The following ART3 variants were observed in gnomAD, a reference collection of about 807,000 sequenced individuals.
ART3 encodes ecto-ADP-ribosyltransferase 3.
ART3 carries 49 observed loss-of-function variants against 48.5 expected under a neutral mutation model. The observed-to-expected ratio is 1.01, with a 90% CI of 0.80 to 1.28. ART3 has a LOEUF of 1.28. Ranked by LOEUF, ART3 falls within the 50% of genes most tolerant of loss-of-function variation. The probability of loss-of-function intolerance (pLI) is 0.00; values close to 1 mark genes in which losing one functional copy is unlikely to be tolerated. For missense variants in ART3, 438 were observed against 454.3 expected, an observed-to-expected ratio of 0.96 and a Z score of 0.33; for synonymous variants, 145 against 157.2, an observed-to-expected ratio of 0.92 and a Z score of 0.58.
chr4:76,081,546 T>C (rs1319907289), intron 2 of ART3, among the ~76,000 whole-genome samples: 3 of 152,242 alleles, frequency 2.0e-5, no homozygotes, highest in Admixed American at 2.0e-4. Flanking sequence ...CATTGTTCTT[T>C]GCTCTGTGCC....
chr4:76,063,493 C>T (rs1352518033), intron 1 of ART3, among the ~76,000 whole-genome samples: 6 of 151,998 alleles, frequency 3.9e-5, no homozygotes, highest in Admixed American at 3.9e-4. Context: ...TTAAAAGAAG[C>T]TTATAATCTG....
At chr4:76,097,419 C>CAACATA (rs1726256778) in intron 3 of ART3, among the ~76,000 whole-genome samples, 1 of 151,890 alleles carries the variant, frequency 6.6e-6, no homozygotes, top group Non-Finnish European at 1.5e-5. Flanking sequence ...GTTGCCCAGG[C>CAACATA]TGGTCTTGAA....
At chr4:76,013,808 T>C (rs887047367) in intron 1 of ART3, among the ~76,000 whole-genome samples, 1 of 152,220 alleles carries the variant, frequency 6.6e-6, no homozygotes, top group Non-Finnish European at 1.5e-5. Flanking sequence ...TTTATTTACT[T>C]TTGTTCATTT....
At chr4:76,098,891 A>G in intron 4 of ART3, 64 bp from the exon 5 acceptor site, 4 of 1,351,622 alleles carry the variant, frequency 3.0e-6, no homozygotes, top group Non-Finnish European at 3.1e-6. Flanking sequence ...ATTTAAAAAT[A>G]GACTGATCCT....
intron 1 of ART3, among the ~76,000 whole-genome samples, chr4:76,062,298 T>C (rs567557696): frequency 2.0e-5 from 3 of 152,240 alleles, no homozygotes; most frequent in Non-Finnish European, 2.9e-5. Context: ...ATTTGACTTA[T>C]GTTCTAATGA....
At chr4:76,052,714 C>CTTTTTTTTT (rs10644249) in intron 1 of ART3, among the ~76,000 whole-genome samples, 17 of 142,582 alleles carry the variant, frequency 1.2e-4, no homozygotes, top group African/African-American at 3.3e-4. Flanking sequence ...TTTCTTTTTT[C>CTTTTTTTTT]CTTCTTTTTT....
chr4:76,049,285 G>A (rs1735805001), intron 1 of ART3, among the ~76,000 whole-genome samples: 1 of 151,978 alleles, frequency 6.6e-6, no homozygotes, highest in South Asian at 2.1e-4. Context: ...AGACAGGCGA[G>A]AGGAAGTTTG....
In ART3 at chr4:76,042,949, C is replaced by G. The variant is rs541408778; in HGVS notation, c.-10+31629C>G. Among the ~76,000 whole-genome samples the G allele has an allele frequency of 9.3e-5, 14 of 151,340 alleles. No individual in the cohort carries two copies. In the East Asian group the frequency reaches 1.9e-3, roughly 21 times the overall value. ...CTGTTTTGACAGGGCGTGATTGGTG[C>G]GTTTACAATCCCTGAGCTAGACACA... On this transcript the variant is annotated intron_variant, in intron 1 of 9. Coordinates refer to the ART3 transcript ENST00000341029.
At chr4:76,065,804 A>G (rs2149490466) in intron 1 of ART3, among the ~76,000 whole-genome samples, 1 of 151,982 alleles carries the variant, frequency 6.6e-6, no homozygotes, top group South Asian at 2.1e-4. Flanking sequence ...TAATCATTAT[A>G]TATTGAATGG....
chr4:76,057,610 C>T (rs944326203), intron 1 of ART3, among the ~76,000 whole-genome samples: 1 of 152,160 alleles, frequency 6.6e-6, no homozygotes, highest in Admixed American at 6.6e-5. Context: ...TTTCAACAAC[C>T]CTGTGAGGGG....
At chr4:76,018,770 A>G (rs1195122389) in intron 1 of ART3, among the ~76,000 whole-genome samples, 1 of 152,152 alleles carries the variant, frequency 6.6e-6, no homozygotes, top group Non-Finnish European at 1.5e-5. Flanking sequence ...GCTCATGCCT[A>G]TAACCCCAGC....
intron 11 of ART3, among the ~76,000 whole-genome samples, chr4:76,109,332 A>G (rs942394064): frequency 2.0e-5 from 3 of 152,090 alleles, no homozygotes; most frequent in Admixed American, 6.6e-5. Flanking sequence ...AGGATCATCA[A>G]TATCACTGTC....
At chr4:76,091,392 A>G (rs998464436) in intron 3 of ART3, among the ~76,000 whole-genome samples, 2 of 152,216 alleles carry the variant, frequency 1.3e-5, no homozygotes, top group African/African-American at 2.4e-5. Context: ...GCTATACCAC[A>G]TTCTTGCCGA....
At chr4:76,096,047 C>T (rs1402278291) in intron 3 of ART3, among the ~76,000 whole-genome samples, 12 of 152,220 alleles carry the variant, frequency 7.9e-5, no homozygotes, top group Middle Eastern at 3.4e-3. Flanking sequence ...CTCAGCCTCC[C>T]GACTAGCTGG....
At chr4:76,034,626 C>T in intron 1 of ART3, 1 of 646,032 alleles carries the variant, frequency 1.5e-6, no homozygotes, top group Non-Finnish European at 2.7e-6. Flanking sequence ...TTGGTCCTTT[C>T]ACCCACCTTT....
intron 1 of ART3, chr4:76,022,744 T>C: frequency 6.2e-7 from 1 of 1,613,796 alleles, no homozygotes. Context: ...CAAGTTTTTC[T>C]AAAGACCTTG....
chr4:76,060,309 G>A (rs568266004), intron 1 of ART3, among the ~76,000 whole-genome samples: 1 of 150,314 alleles, frequency 6.7e-6, no homozygotes, highest in Non-Finnish European at 1.5e-5. Flanking sequence ...ATATAACCAA[G>A]CCCAAAGAAC....
chr4:76,019,061 AAG>A (rs1732517894), intron 1 of ART3, among the ~76,000 whole-genome samples: 1 of 151,734 alleles, frequency 6.6e-6, no homozygotes, highest in East Asian at 1.9e-4. Context: ...AAAAAAAAAA[AAG>A]AACATATGCC....
intron 10 of ART3, 132 bp from the exon 11 acceptor site, chr4:76,107,629 C>T (rs1578627575): frequency 8.7e-6 from 5 of 575,162 alleles, no homozygotes; most frequent in South Asian, 6.9e-5. Flanking sequence ...CACACATACC[C>T]GTAAACCTAT....
Sources: gnomAD v4.1 joint callset for allele counts (sites outside exome capture counted in the v4.1 genomes callset) on GRCh38, gnomAD v4.1.1 for gene constraint, MANE v1.5 for transcripts, NCBI Gene and HGNC (gene_info 2026-07-23, HGNC 2026-07-21) for gene names.